DHX29: variants seen among roughly 807,000 people sequenced by gnomAD.
DHX29 encodes DExH-box helicase 29.
DHX29 carries 79 observed loss-of-function variants against 167.9 expected under a neutral mutation model. The observed-to-expected ratio is 0.47, with a 90% CI of 0.39 to 0.57. The LOEUF is 0.57. Among genes scored for constraint, DHX29 ranks in the 20% least tolerant of loss-of-function variants. The pLI is 0.00. For missense variants in DHX29, 1,347 were observed against 1,593.4 expected (o/e 0.85, Z 2.63); for synonymous variants, 530 against 546.0 (o/e 0.97, Z 0.41).
chr5:55,289,473 A>G (rs761693935), intron 7 of DHX29, 45 bp from the exon 8 acceptor site: 5 of 1,415,360 alleles, frequency 3.5e-6, no homozygotes, highest in Non-Finnish European at 4.6e-6. Context: ...GTTTTAAAAA[A>G]ATTGTTATTT....
At chr5:55,292,964 G>A (rs1364518354) in intron 6 of DHX29, among the ~76,000 whole-genome samples, 2 of 151,558 alleles carry the variant, frequency 1.3e-5, no homozygotes, top group Non-Finnish European at 2.9e-5. Flanking sequence ...ACAGAAACAT[G>A]GTTTAAAAAA....
intron 23 of DHX29, among the ~76,000 whole-genome samples, chr5:55,266,310 GTT>G (rs70992715): frequency 8.9e-5 from 11 of 123,014 alleles, no homozygotes; most frequent in African/African-American, 1.2e-4. Flanking sequence ...TGTTGTTTTT[GTT>G]TTTTTTTTTT....
rs749081517 is a variant in DHX29 at position 55,295,372 on chromosome 5, A to C, written c.651+7T>G. ...ATACAACTTTAAATGCTTAATTCTC[A>C]AATTACCTTACTCTTAGGGTCCTCT... is the stretch of plus-strand genomic sequence containing the variant. On this transcript the variant is annotated splice_region_variant and intron_variant, in intron 5 of 26. Transcript: ENST00000251636. 3.7e-6 allele frequency: 6 copies of C among 1,600,914 alleles called. No individual in the cohort carries two copies. The highest frequency in any genetic ancestry group is 2.2e-5 in the East Asian group (1 of 44,760).
intron 13 of DHX29, among the ~76,000 whole-genome samples, chr5:55,276,850 A>G (rs753372313): frequency 1.4e-4 from 22 of 152,248 alleles, no homozygotes; most frequent in South Asian, 6.2e-4. Context: ...TCTGAATATA[A>G]TGATTTTCAC....
chr5:55,271,963 G>T, intron 18 of DHX29, 124 bp downstream of exon 18: 1 of 542,644 alleles, frequency 1.8e-6, no homozygotes, highest in Non-Finnish European at 3.2e-6. Flanking sequence ...TAAGGCTTTT[G>T]CTTTGGACAG....
At chr5:55,299,036 CAAAAAAAAAAAA>C (rs35986300) in intron 1 of DHX29, among the ~76,000 whole-genome samples, 4 of 76,164 alleles carry the variant, frequency 5.3e-5, no homozygotes, top group Non-Finnish European at 1.1e-4. Flanking sequence ...GACTCCGTCT[CAAAAAAAAAAAA>C]AAAAAAAAAA....
At chr5:55,306,845 T>C (rs1024882369) in intron 1 of DHX29, among the ~76,000 whole-genome samples, 4 of 152,226 alleles carry the variant, frequency 2.6e-5, no homozygotes, top group Non-Finnish European at 1.5e-5. Flanking sequence ...TAAGCAAAAC[T>C]GCATGGCGGC....
chr5:55,303,952 A>G (rs1342256461), intron 1 of DHX29, among the ~76,000 whole-genome samples: 1 of 152,200 alleles, frequency 6.6e-6, no homozygotes, highest in Non-Finnish European at 1.5e-5. Flanking sequence ...TTCCCCTCTT[A>G]AAATTTTAAG....
intron 1 of DHX29, among the ~76,000 whole-genome samples, chr5:55,302,957 T>A (rs779817695): frequency 1.2e-4 from 18 of 152,314 alleles, no homozygotes; most frequent in Admixed American, 1.1e-3. Flanking sequence ...GATGTTAGTA[T>A]GCAATATCTC....
intron 1 of DHX29, among the ~76,000 whole-genome samples, chr5:55,300,697 A>G (rs1001524570): frequency 3.3e-5 from 5 of 152,154 alleles, no homozygotes; most frequent in Non-Finnish European, 5.9e-5. Context: ...ACCTCAACAA[A>G]ATAATAAAAA....
At chr5:55,271,126 C>T (rs1746835331) in intron 18 of DHX29, among the ~76,000 whole-genome samples, 2 of 152,168 alleles carry the variant, frequency 1.3e-5, no homozygotes, top group South Asian at 4.1e-4. Context: ...CAAGAATCTA[C>T]TTTTTATTGA....
At chr5:55,304,797 T>C (rs1290478433) in intron 1 of DHX29, among the ~76,000 whole-genome samples, 1 of 152,198 alleles carries the variant, frequency 6.6e-6, no homozygotes, top group African/African-American at 2.4e-5. Flanking sequence ...TTTGACCAGC[T>C]GTGCCGTCAA....
intron 23 of DHX29, among the ~76,000 whole-genome samples, chr5:55,263,551 A>T (rs1746408769): frequency 6.6e-6 from 1 of 151,884 alleles, no homozygotes; most frequent in Non-Finnish European, 1.5e-5. Flanking sequence ...TTATGTTTTA[A>T]GTTTGGGGCT....
chr5:55,289,983 G>A (rs1350618253), intron 7 of DHX29, among the ~76,000 whole-genome samples: 2 of 152,124 alleles, frequency 1.3e-5, no homozygotes, highest in Non-Finnish European at 2.9e-5. Context: ...ATTCATTTTT[G>A]TATGGTCTAT....
intron 2 of DHX29, 61 bp from the exon 3 acceptor site, chr5:55,297,459 A>T: frequency 4.0e-6 from 3 of 754,832 alleles, no homozygotes; most frequent in Non-Finnish European, 4.5e-6. Context: ...TTAAAAGCCA[A>T]TCATACAGTT....
intron 6 of DHX29, among the ~76,000 whole-genome samples, chr5:55,293,288 C>G (rs1003273580): frequency 6.6e-6 from 1 of 152,050 alleles, no homozygotes; most frequent in African/African-American, 2.4e-5. Context: ...TTCTTAATAC[C>G]TAGAAATAAA....
At position 55,279,732 on chromosome 5, in the gene DHX29, G is replaced by GTT. The variant is rs201827152; in HGVS notation, c.2109+1638_2109+1639dup. 436 of 149,456 alleles carry GTT rather than the reference G, an allele frequency of 2.9e-3. 3 individuals carry two copies. The highest frequency in any genetic ancestry group is 0.011 in the African/African-American group (401 of 37,906). The allele number at this position is 149,456 out of a possible 1,614,324, so 9.3% of individuals were successfully genotyped here. ...TTGTTTTGTTTTGTTTTGTTTTGCTGTTTTTGTTTTTTTTTTTTGGAGAGA... is the reference window on the plus strand; with the variant it reads ...TTGTTTTGTTTTGTTTTGTTTTGCTGTTTTTTTGTTTTTTTTTTTTGGAGAGA... On this transcript the variant is annotated intron_variant, in intron 12 of 26. Transcript: ENST00000251636.
chr5:55,265,218 C>G (rs533900087), intron 23 of DHX29, among the ~76,000 whole-genome samples: 1 of 147,106 alleles, frequency 6.8e-6, no homozygotes, highest in South Asian at 2.2e-4. Flanking sequence ...TCAACCATAT[C>G]CAGACTCTAA....
At position 55,283,558 on chromosome 5, in the gene DHX29, G is replaced by C. The variant is rs767899202; in HGVS notation, c.1610C>G (p.Ser537Cys). 2.5e-6 allele frequency: 4 copies of C among 1,614,160 alleles called. No individual in the cohort carries two copies. Among genetic ancestry groups the C allele is most frequent in the Non-Finnish European group, 3.4e-6 (4 of 1,180,026 alleles). ...LVSDEDFSAL[S>C]LESANVEDLE... ...ATCTTCCACATTTGCTGATTCCAAG[G>C]ACAGTGCAGAAAAATCCTCATCCGA... The change falls in exon 11 of 27, where the codon TCC (serine) becomes TGC (cysteine). Residue 537 changes from serine to cysteine, a missense_variant. Coordinates refer to ENST00000251636, the MANE Select transcript of DHX29 (RefSeq NM_019030.4).
Sources: allele counts gnomAD v4.1 joint callset (sites outside exome capture counted in the v4.1 genomes callset), GRCh38; gene constraint gnomAD v4.1.1; transcripts MANE v1.5; gene names NCBI Gene and HGNC (gene_info 2026-07-23, HGNC 2026-07-21).